TTLL8: variants seen among roughly 807,000 people sequenced by gnomAD.
TTLL8 encodes the protein protein monoglycylase TTLL8.
Under a neutral mutation model 77.8 loss-of-function variants are expected in TTLL8, and 65 were observed. The observed-to-expected ratio is 0.84, with a 90% CI of 0.68 to 1.03. TTLL8 has a LOEUF of 1.03. Among genes scored for constraint, TTLL8 ranks in the 50% least tolerant of loss-of-function variants. The probability of loss-of-function intolerance (pLI) is 0.00; values close to 1 mark genes in which losing one functional copy is unlikely to be tolerated. For missense variants in TTLL8, 910 were observed against 1,004.5 expected (o/e 0.91, Z 1.27); for synonymous variants, 402 against 422.8 (o/e 0.95, Z 0.60).
intron 5 of TTLL8, 120 bp downstream of exon 7, chr22:50,045,736 G>A: frequency 8.2e-7 from 1 of 1,217,800 alleles, no homozygotes; most frequent in South Asian, 1.4e-5. Flanking sequence ...ACCATGGGAG[G>A]CCTCTCCCCG....
At chr22:50,022,795 C>T (rs2061212592) in intron 12 of TTLL8, among the ~76,000 whole-genome samples, 1 of 152,228 alleles carries the variant, frequency 6.6e-6, no homozygotes, top group Admixed American at 6.5e-5. Flanking sequence ...AGAAGTGAAA[C>T]GGAATTGATT....
In TTLL8 at chr22:50,023,505, A is replaced by G. The variant is rs941501745; in HGVS notation, c.2203+6925T>C. 9.2e-5 allele frequency among the ~76,000 whole-genome samples: 14 copies of G among 152,014 alleles called. No homozygotes were observed. In the East Asian group the frequency reaches 1.5e-3, roughly 17 times the overall value. Reference sequence around the variant, plus strand: ...CGAGACCATCCTGGCTAACACGGTGAAACCCCGTCCCTACTAAAAATACAA... The same window carrying G: ...CGAGACCATCCTGGCTAACACGGTGGAACCCCGTCCCTACTAAAAATACAA... On this transcript the variant is annotated intron_variant, in intron 12 of 13. Coordinates refer to ENST00000266182, the Ensembl canonical transcript of TTLL8.
At chr22:50,027,929 C>T (rs1364896050) in intron 12 of TTLL8, among the ~76,000 whole-genome samples, 5 of 152,234 alleles carry the variant, frequency 3.3e-5, no homozygotes, top group Admixed American at 1.3e-4. Flanking sequence ...GTGGCAACTG[C>T]GGCAGGAACC....
intron 4 of TTLL8, among the ~76,000 whole-genome samples, chr22:50,046,854 G>C (rs1488919654): frequency 6.6e-6 from 1 of 152,166 alleles, no homozygotes. Context: ...TCTTCCCCTG[G>C]GGTCCCACAG....
At chr22:50,031,450 GC>G in intron 11 of TTLL8, among the ~76,000 whole-genome samples, 1 of 152,288 alleles carries the variant, frequency 6.6e-6, no homozygotes, top group African/African-American at 2.4e-5. Flanking sequence ...GGGCCGCTCC[GC>G]CCGCACGCCT....
Position 50,041,932 on chromosome 22 carries a change from A to C in TTLL8, c.644-125T>G. 1.2e-6 allele frequency: 1 copy of C among 852,922 alleles called. No individual in the cohort carries two copies. Among genetic ancestry groups the C allele is most frequent in the Non-Finnish European group, 1.6e-6 (1 of 632,444 alleles). The allele number at this position is 852,922 out of a possible 1,614,324, so 52.8% of individuals were successfully genotyped here. ...CACTCCCTCTGTGCCCCAATACCCA[A>C]CAAGTATCCCAGATCCCCAGACAGG... On this transcript the variant is annotated intron_variant, in intron 6 of 13. Transcript: ENST00000266182. This position sits in a 1 kb window ranked among gnomAD's most constrained non-coding sequence, Gnocchi z 4.3.
chr22:50,052,377 A>C (rs1368089891), intron 1 of TTLL8, among the ~76,000 whole-genome samples: 1 of 152,248 alleles, frequency 6.6e-6, no homozygotes, highest in Admixed American at 6.5e-5. Context: ...CAAAGGAATA[A>C]AAACAGCGTA....
chr22:50,033,959 GA>G (rs1225663659), intron 9 of TTLL8, among the ~76,000 whole-genome samples: 3 of 152,228 alleles, frequency 2.0e-5, no homozygotes, highest in African/African-American at 7.2e-5. Context: ...CTTAAACCTG[GA>G]AGGTGGAGGT....
In TTLL8 at chr22:50,032,923, C is replaced by A. The variant is rs113576544; in HGVS notation, c.1283+279G>T. Among the ~76,000 whole-genome samples, 884 of 152,332 alleles carry A rather than the reference C, an allele frequency of 5.8e-3. 3 individuals carry two copies. Among genetic ancestry groups the A allele is most frequent in the Non-Finnish European group, 0.01 (681 of 68,018 alleles). On this transcript the variant is annotated intron_variant, in intron 10 of 13. Transcript: ENST00000266182. The stretch of plus-strand genomic sequence containing the variant: ...AGGTGCTGCCCACACCATTCCAATC[C>A]CCCTGGGCACAGGCAAAATGGTGCC...
At position 50,041,270 on chromosome 22, in the gene TTLL8, A is replaced by C; in HGVS notation, c.838T>G (p.Leu280Val). The change falls in exon 8 of 14, where the codon TTG (leucine) becomes GTG (valine). Residue 280 changes from leucine (L) to valine (V), a missense_variant. By Grantham distance (32) the Leu-to-Val change is conservative. Transcript: ENST00000266182. This position sits in a 1 kb window ranked among gnomAD's most constrained non-coding sequence, Gnocchi z 4.3. The stretch of plus-strand genomic sequence containing the variant: ...ATGCACAAGACAATGCTACTCCCCA[A>C]AGGCACCCTGAGGGGGTATCATCCT... 1 of 506,386 alleles carries C rather than the reference A, an allele frequency of 2.0e-6. No homozygotes were observed. Among genetic ancestry groups the C allele is most frequent in the South Asian group, 1.5e-5 (1 of 66,180 alleles). 31.4% of individuals were successfully genotyped at this position (506,386 alleles called of 1,614,324 possible). A position where few individuals can be genotyped will look rare whatever the true frequency, so the allele number is the denominator to read the frequency against.
intron 12 of TTLL8, among the ~76,000 whole-genome samples, chr22:50,028,734 C>A (rs2061253030): frequency 2.0e-5 from 1 of 51,078 alleles, no homozygotes; most frequent in Non-Finnish European, 4.8e-5. Flanking sequence ...CGTAAAGACC[C>A]CATCACACCG....
At chr22:50,053,157 G>A (rs1227309286) in intron 1 of TTLL8, among the ~76,000 whole-genome samples, 1 of 150,582 alleles carries the variant, frequency 6.6e-6, no homozygotes, top group African/African-American at 2.5e-5. Flanking sequence ...GGAAGGCAAA[G>A]GTTGCAGTGA....
chr22:50,030,127 G>T, intron 12 of TTLL8: 1 of 972,742 alleles, frequency 1.0e-6, no homozygotes, highest in Non-Finnish European at 1.2e-6. Flanking sequence ...CCTCCGACCC[G>T]CGCCACACCC....
At chr22:50,031,149 G>C (rs2294375) in intron 11 of TTLL8, among the ~76,000 whole-genome samples, 47,394 of 152,022 alleles carry the variant, frequency 0.31, 8,026 homozygotes, top group Non-Finnish European at 0.38. Context: ...CAGCCTGGGG[G>C]GCCCCACACC....
exon 10 of TTLL8, chr22:50,033,384 A>G: frequency 7.3e-7 from 1 of 1,365,278 alleles, no homozygotes; most frequent in African/African-American, 1.5e-5. Flanking sequence ...TGTCCCTGGA[A>G]AGAGGGTGGT....
chr22:50,058,063 G>C (rs1002137965), upstream of TTLL8, among the ~76,000 whole-genome samples: 1 of 149,880 alleles, frequency 6.7e-6, no homozygotes, highest in African/African-American at 2.4e-5. The surrounding 1 kb of genome is among the most constrained non-coding windows in gnomAD (Gnocchi z 4.2). Flanking sequence ...AGGCGGGTCT[G>C]GGGTTCCGAA....
intron 8 of TTLL8, among the ~76,000 whole-genome samples, chr22:50,038,905 G>A (rs1254553270): frequency 3.3e-5 from 5 of 151,770 alleles, no homozygotes; most frequent in Non-Finnish European, 7.4e-5. Context: ...TGCATCTATT[G>A]AGATGATCTT....
At chr22:50,040,557 A>C (rs149976717) in intron 8 of TTLL8, among the ~76,000 whole-genome samples, 1,654 of 152,332 alleles carry the variant, frequency 0.011, 27 homozygotes, top group African/African-American at 0.038. Flanking sequence ...GGGGACTGGA[A>C]ACGTTTTGTG....
chr22:50,032,158 G>A (rs1171417477), intron 10 of TTLL8, 49 bp from the exon 12 acceptor site: 1 of 1,307,442 alleles, frequency 7.6e-7, no homozygotes, highest in East Asian at 4.7e-5. Context: ...GGCCCAGGAG[G>A]GCACCCAAGG....
Sources: gnomAD v4.1 joint callset for allele counts (sites outside exome capture counted in the v4.1 genomes callset) on GRCh38, gnomAD v4.1.1 for gene constraint, Gnocchi (gnomAD v3.1) non-coding constraint, MANE v1.5 for transcripts, NCBI Gene and HGNC (gene_info 2026-07-23, HGNC 2026-07-21) for gene names.